AGPAT5: variants seen among roughly 807,000 people sequenced by gnomAD.
The protein encoded by AGPAT5 is 1-acyl-sn-glycerol-3-phosphate acyltransferase epsilon.
In AGPAT5, 46 loss-of-function variants were observed where a neutral mutation model predicts 45.6. That is an observed-to-expected ratio of 1.01 (90% CI 0.80 to 1.29). AGPAT5 has a LOEUF of 1.29. AGPAT5 is among the 50% of genes most tolerant of loss of function. The pLI, the probability that AGPAT5 is intolerant of heterozygous loss-of-function variation, is 0.00. For missense variants in AGPAT5, 673 were observed against 450.7 expected (o/e 1.49, Z -4.47); for synonymous variants, 272 against 167.0 (o/e 1.63, Z -4.85).
chr8:6,737,745 C>G (rs977729995), intron 4 of AGPAT5, among the ~76,000 whole-genome samples: 1 of 152,198 alleles, frequency 6.6e-6, no homozygotes, highest in Non-Finnish European at 1.5e-5. Context: ...GTTTAAATCC[C>G]AGATCTTCTG....
At chr8:6,730,334 T>G (rs1800820832) in intron 2 of AGPAT5, among the ~76,000 whole-genome samples, 1 of 8,750 alleles carries the variant, frequency 1.1e-4, no homozygotes, top group Admixed American at 1.7e-3. Context: ...TTTTTTTTTT[T>G]TTTTTTTTTT....
At chr8:6,725,008 CTTATAT>C (rs1800638660) in intron 2 of AGPAT5, 69 bp downstream of exon 2, 1 of 534,382 alleles carries the variant, frequency 1.9e-6, no homozygotes, top group African/African-American at 2.0e-5. Flanking sequence ...AAATACCGTT[CTTATAT>C]TTAAATGAAG....
chr8:6,708,997 C>A, intron 1 of AGPAT5, 110 bp downstream of exon 1: 1 of 1,072,288 alleles, frequency 9.3e-7, no homozygotes, highest in Non-Finnish European at 1.4e-6. Context: ...CCGGCGGACC[C>A]AGCACGGAGA....
chr8:6,709,666 G>C (rs1386296331), intron 1 of AGPAT5: 1 of 151,558 alleles, frequency 6.6e-6, no homozygotes. Context: ...TACTTTTCTT[G>C]GTAGGGTTAG....
Position 6,759,324 on chromosome 8 carries a change from G to C in AGPAT5, c.*1936G>C, listed in dbSNP as rs1801954274. On this transcript the variant is annotated 3_prime_UTR_variant, in exon 8 of 8. Coordinates refer to ENST00000285518, the MANE Select transcript of AGPAT5 (RefSeq NM_018361.5). Reference sequence around the variant, plus strand: ...TAGCCTGACCTGCATAAGATCACTTGAATGTTAGGTTTCATAGAACTATAC... The same window carrying C: ...TAGCCTGACCTGCATAAGATCACTTCAATGTTAGGTTTCATAGAACTATAC... 2 of 152,122 alleles carry C rather than the reference G, an allele frequency of 1.3e-5. No homozygotes were observed. The highest frequency in any genetic ancestry group is 6.5e-5 in the Admixed American group (1 of 15,274). 9.4% of individuals were successfully genotyped at this position (152,122 alleles called of 1,614,324 possible).
intron 6 of AGPAT5, 54 bp from the exon 7 acceptor site, chr8:6,754,997 T>C: frequency 1.4e-6 from 2 of 1,407,572 alleles, no homozygotes; most frequent in African/African-American, 1.5e-5. Flanking sequence ...TTACTTTATA[T>C]GACCATGAGT....
In AGPAT5 at chr8:6,760,037, T is replaced by A. The variant is rs1195840609; in HGVS notation, c.*2649T>A. ...TTCATATGTTTCATTTCCATGTGAT[T>A]TTTAAAATTTAGAGTGGCAACAATT... On this transcript the variant is annotated 3_prime_UTR_variant, in exon 8 of 8. Coordinates refer to ENST00000285518, the MANE Select transcript of AGPAT5 (RefSeq NM_018361.5). Among the ~76,000 whole-genome samples, 1 of 152,232 alleles carries A rather than the reference T, an allele frequency of 6.6e-6. No homozygotes were observed. Among genetic ancestry groups the A allele is most frequent in the Non-Finnish European group, 1.5e-5 (1 of 68,042 alleles).
At position 6,730,719 on chromosome 8, in the gene AGPAT5, A is replaced by C. The variant is rs1464024763; in HGVS notation, c.298A>C (p.Ile100Leu). ...LANHQSTVDWIVADILAIRQN... is the reference protein window; with the variant it reads ...LANHQSTVDWLVADILAIRQN... Reference sequence around the variant, plus strand: ...GGGTCCTGTCTCTGCAGTTGACTGGATTGTTGCTGACATCTTGGCCATCAG... The same window carrying C: ...GGGTCCTGTCTCTGCAGTTGACTGGCTTGTTGCTGACATCTTGGCCATCAG... The change falls in exon 3 of 8, where the codon ATT becomes CTT. Residue 100 changes from isoleucine (I) to leucine (L), a missense_variant. Ile to Leu is a conservative substitution (Grantham distance 5, BLOSUM62 2). Transcript: ENST00000285518. 8.1e-6 allele frequency: 13 copies of C among 1,612,578 alleles called. No homozygotes were observed. Among genetic ancestry groups the C allele is most frequent in the Non-Finnish European group, 1.1e-5 (13 of 1,179,040 alleles).
chr8:6,747,781 A>T lies in AGPAT5; in HGVS notation c.698A>T (p.Glu233Val). The change falls in exon 6 of 8, where the codon GAA (glutamate) becomes GTA (valine). Residue 233 changes from glutamate to valine, a missense_variant. Transcript: ENST00000285518. ...ATTTATGATGTTACGGTGGTTTATG[A>T]AGGGAAAGACGATGGAGGGCAGCGA... The part of the protein sequence containing the change: ...DAIYDVTVVY[E>V]GKDDGGQRRE... 1 of 1,614,186 alleles carries T rather than the reference A, an allele frequency of 6.2e-7. No homozygotes were observed. The highest frequency in any genetic ancestry group is 1.3e-5 in the African/African-American group (1 of 75,038).
intron 1 of AGPAT5, among the ~76,000 whole-genome samples, chr8:6,722,811 T>C (rs1800551018): frequency 1.3e-5 from 2 of 151,836 alleles, no homozygotes; most frequent in Admixed American, 1.3e-4. Flanking sequence ...TACCTCTGAA[T>C]TAATAAATGA....
Position 6,709,003 on chromosome 8 carries a change from G to A in AGPAT5, c.219+116G>A, listed in dbSNP as rs939490116. 10 of 997,230 alleles carry A rather than the reference G, an allele frequency of 1.0e-5. No individual in the cohort carries two copies. The Admixed American group carries it at 2.0e-4, about 20-fold the overall frequency. 61.8% of individuals were successfully genotyped at this position (997,230 alleles called of 1,614,324 possible). A position where few individuals can be genotyped will look rare whatever the true frequency, so the allele number is the denominator to read the frequency against. ...CCGGCCGGCCCGGCGGACCCAGCAC[G>A]GAGAGCACGTGCCGCCTCCCCGCCT... On this transcript the variant is annotated intron_variant, in intron 1 of 7. Coordinates refer to ENST00000285518, the MANE Select transcript of AGPAT5 (RefSeq NM_018361.5).
At chr8:6,738,325 G>A (rs1056849435) in intron 4 of AGPAT5, 3 of 152,178 alleles carry the variant, frequency 2.0e-5, no homozygotes, top group South Asian at 2.1e-4. Context: ...AGGGAATAGG[G>A]AAACCCAAGG....
In AGPAT5 at chr8:6,758,039, A is replaced by C. The variant is rs1165157547; in HGVS notation, c.*651A>C. ...ATTGCTTAATTTGCACACCCTGTAC[A>C]CACAGAAAATGGTATAAAATATGAG... On this transcript the variant is annotated 3_prime_UTR_variant, in exon 8 of 8. Transcript: ENST00000285518. The C allele has an allele frequency of 2.0e-5, 3 of 152,236 alleles. No individual in the cohort carries two copies. Among genetic ancestry groups the C allele is most frequent in the Admixed American group, 6.5e-5 (1 of 15,284 alleles). The allele number at this position is 152,236 out of a possible 1,614,324, so 9.4% of individuals were successfully genotyped here.
At position 6,730,799 on chromosome 8, in the gene AGPAT5, G is replaced by T. The variant is rs1800837582; in HGVS notation, c.378G>T (p.Leu126=). The T allele has an allele frequency of 6.2e-7, 1 of 1,613,074 alleles. No individual in the cohort carries two copies. The highest frequency in any genetic ancestry group is 1.7e-5 in the Admixed American group (1 of 59,970). ...TGCTGAAAGAAGGGTTAAAATGGCT[G>T]CCATTGTATGGGTGTTACTTTGCTC... is the stretch of plus-strand genomic sequence containing the variant. ...RYVLKEGLKW[L]PLYGCYFAQH... The change falls in exon 3 of 8, where the codon CTG becomes CTT. Residue 126 remains leucine (L), a synonymous_variant. Coordinates refer to ENST00000285518, the MANE Select transcript of AGPAT5 (RefSeq NM_018361.5).
At chr8:6,709,115 GCCGCCCCTTTCC>G in intron 1 of AGPAT5, 1 of 592,782 alleles carries the variant, frequency 1.7e-6, no homozygotes, top group South Asian at 1.9e-5. Flanking sequence ...AGTGGGACCC[GCCGCCCCTTTCC>G]CCGCCCCTCG....
chr8:6,754,513 T>C (rs542519169), intron 6 of AGPAT5, among the ~76,000 whole-genome samples: 148 of 152,038 alleles, frequency 9.7e-4, no homozygotes, highest in Non-Finnish European at 1.8e-3. Flanking sequence ...ACAAGCAAAG[T>C]TGAGGATTAT....
intron 1 of AGPAT5, among the ~76,000 whole-genome samples, chr8:6,719,155 A>G (rs1487418024): frequency 6.6e-6 from 1 of 152,240 alleles, no homozygotes; most frequent in Non-Finnish European, 1.5e-5. Context: ...TGGCATGTAA[A>G]CATTTGTGGA....
At chr8:6,754,228 T>A (rs1379468254) in intron 6 of AGPAT5, among the ~76,000 whole-genome samples, 1 of 152,204 alleles carries the variant, frequency 6.6e-6, no homozygotes, top group Non-Finnish European at 1.5e-5. Context: ...AATAGCCTCA[T>A]ACCTTGTGCA....
intron 4 of AGPAT5, among the ~76,000 whole-genome samples, chr8:6,735,901 C>A (rs551365537): frequency 8.1e-6 from 1 of 123,506 alleles, no homozygotes; most frequent in Non-Finnish European, 1.6e-5. Flanking sequence ...GTCACCCAGG[C>A]TGGAGTGCAG....
Sources: allele counts gnomAD v4.1 joint callset (sites outside exome capture counted in the v4.1 genomes callset), GRCh38; gene constraint gnomAD v4.1.1; transcripts MANE v1.5; gene names NCBI Gene and HGNC (gene_info 2026-07-23, HGNC 2026-07-21).